The following ABCA3 variants were observed in gnomAD, a reference collection of about 807,000 sequenced individuals.
ABCA3 encodes ATP binding cassette subfamily A member 3.
A neutral mutation model predicts 172.8 loss-of-function variants in ABCA3; 88 were observed. The ratio of observed to expected loss-of-function variants is 0.51; its 90% CI spans 0.43 to 0.61. ABCA3 has a LOEUF of 0.61. Among genes scored for constraint, ABCA3 ranks in the 20% least tolerant of loss-of-function variants. The pLI, the probability that ABCA3 is intolerant of heterozygous loss-of-function variation, is 0.00. For synonymous variants in ABCA3, 1,066 were observed against 983.8 expected, an observed-to-expected ratio of 1.08 and a Z score of -1.56; for missense variants, 2,164 against 2,301.0, an observed-to-expected ratio of 0.94 and a Z score of 1.22.
At position 2,292,262 on chromosome 16, in the gene ABCA3, G is replaced by C. The variant is rs977809218; in HGVS notation, c.2415-24C>G. 2.5e-6 allele frequency: 4 copies of C among 1,584,114 alleles called. No individual in the cohort carries two copies. The South Asian group carries it at 3.3e-5, about 13-fold the overall frequency. Reference sequence around the variant, plus strand: ...ACCTGAAAAACAGACCCAGCATTATGAGTCACTTCTCAGTGACTTTCTAGA... The same window carrying C: ...ACCTGAAAAACAGACCCAGCATTATCAGTCACTTCTCAGTGACTTTCTAGA... On this transcript the variant is annotated intron_variant, in intron 18 of 32. Coordinates refer to ENST00000301732, the MANE Select transcript of ABCA3 (RefSeq NM_001089.3).
chr16:2,292,839 C>T lies in ABCA3; in HGVS notation c.2415-601G>A, dbSNP rs1165149075. 5.2e-4 allele frequency among the ~76,000 whole-genome samples: 79 copies of T among 151,936 alleles called. 1 individual carries two copies. The highest frequency in any genetic ancestry group is 7.4e-5 in the Non-Finnish European group (5 of 67,984). ...TCATGGCGGCTTGTGCCTGTAATCC[C>T]AGCTACTCGGGAGGCTGAGGCAGGA... On this transcript the variant is annotated intron_variant, in intron 18 of 32. Coordinates refer to ENST00000301732, the MANE Select transcript of ABCA3 (RefSeq NM_001089.3).
chr16:2,337,451 T>C (rs1279482944), intron 1 of ABCA3, among the ~76,000 whole-genome samples: 1 of 151,386 alleles, frequency 6.6e-6, no homozygotes, highest in Non-Finnish European at 1.5e-5. Flanking sequence ...CATGGCTCAC[T>C]GTAGCCTTGA....
Position 2,277,569 on chromosome 16 carries a change from C to T in ABCA3, c.4983+28G>A. On this transcript the variant is annotated intron_variant, in intron 32 of 32. Coordinates refer to ENST00000301732, the MANE Select transcript of ABCA3 (RefSeq NM_001089.3). The surrounding 1 kb of genome is among the most constrained non-coding windows in gnomAD (Gnocchi z 5.3). Reference sequence around the variant, plus strand: ...GGGACCTCCCCCTGCCCCATGAGTGCCCAGTGGGGCCCCAGGGACTGCCTC... The same window carrying T: ...GGGACCTCCCCCTGCCCCATGAGTGTCCAGTGGGGCCCCAGGGACTGCCTC... The T allele has an allele frequency of 6.2e-7, 1 of 1,611,818 alleles. No homozygotes were observed. The highest frequency in any genetic ancestry group is 2.2e-5 in the East Asian group (1 of 44,872).
In ABCA3 at chr16:2,278,242, C is replaced by A; in HGVS notation, c.4718+46G>T. 6.2e-7 allele frequency: 1 copy of A among 1,602,938 alleles called. No individual in the cohort carries two copies. The highest frequency in any genetic ancestry group is 8.5e-7 in the Non-Finnish European group (1 of 1,179,882). Reference sequence around the variant, plus strand: ...CCTGGCCACCTGGCTCCTCCATGGCCCACCCGGTGCTGAAACTTCCAGTAA... The same window carrying A: ...CCTGGCCACCTGGCTCCTCCATGGCACACCCGGTGCTGAAACTTCCAGTAA... On this transcript the variant is annotated intron_variant, in intron 30 of 32. Coordinates refer to ENST00000301732, the MANE Select transcript of ABCA3 (RefSeq NM_001089.3). This position sits in a 1 kb window ranked among gnomAD's most constrained non-coding sequence, Gnocchi z 4.4.
chr16:2,285,521 C>T lies in ABCA3; in HGVS notation c.3404G>A (p.Gly1135Glu). 1.9e-6 allele frequency: 3 copies of T among 1,607,512 alleles called. No individual in the cohort carries two copies. The highest frequency in any genetic ancestry group is 1.1e-5 in the South Asian group (1 of 89,756). ...VQAKHVQFVS[G>E]VHVASFWLSA... ...GAGCCAGAAACTGGCCACGTGGACT[C>T]CACTCACAAACTGCACATGCTTGGC... Residue 1135 changes from glycine to glutamate, a missense_variant, in exon 23 of 33, where the codon GGA becomes GAA. Physicochemically the swap from Gly to Glu is moderately conservative, Grantham distance 98. Transcript: ENST00000301732. The surrounding 1 kb of genome is among the most constrained non-coding windows in gnomAD (Gnocchi z 4.7).
In ABCA3 at chr16:2,286,567, T is replaced by C. The variant is rs1379835363; in HGVS notation, c.3278+127A>G. 1 of 1,299,004 alleles carries C rather than the reference T, an allele frequency of 7.7e-7. No homozygotes were observed. Among genetic ancestry groups the C allele is most frequent in the Non-Finnish European group, 1.1e-6 (1 of 945,590 alleles). The allele number at this position is 1,299,004 out of a possible 1,614,324, so 80.5% of individuals were successfully genotyped here. ...TGGTGGAGGAGGATGTGGCAGGGGTTTCCCACCAGACCCAGGGGCTTTGGG... is the reference window on the plus strand; with the variant it reads ...TGGTGGAGGAGGATGTGGCAGGGGTCTCCCACCAGACCCAGGGGCTTTGGG... On this transcript the variant is annotated intron_variant, in intron 22 of 32. Coordinates refer to ENST00000301732, the MANE Select transcript of ABCA3 (RefSeq NM_001089.3). The surrounding 1 kb of genome is among the most constrained non-coding windows in gnomAD (Gnocchi z 5.2).
Position 2,285,080 on chromosome 16 carries a change from G to A in ABCA3, c.3484-82C>T, listed in dbSNP as rs763246011. ...TAGGGAAGGGGTGAGAGGAGCATTTGGAGGTCCTCAGACCCCTCCCGGTCA... is the reference window on the plus strand; with the variant it reads ...TAGGGAAGGGGTGAGAGGAGCATTTAGAGGTCCTCAGACCCCTCCCGGTCA... On this transcript the variant is annotated intron_variant, in intron 23 of 32. Transcript: ENST00000301732. This position sits in a 1 kb window ranked among gnomAD's most constrained non-coding sequence, Gnocchi z 4.7. The A allele has an allele frequency of 3.8e-5, 55 of 1,458,492 alleles. No individual in the cohort carries two copies. The highest frequency in any genetic ancestry group is 5.1e-5 in the Non-Finnish European group (54 of 1,068,354). 90.3% of individuals were successfully genotyped at this position (1,458,492 alleles called of 1,614,324 possible).
In ABCA3 at chr16:2,326,443, C is replaced by T. The variant is rs747304976; in HGVS notation, c.24G>A (p.Ala8=). MAVLRQL[A]LLLWKNYTLQ... ...GGGTGTAGTTCTTCCAGAGGAGGAG[C>T]GCCAGCTGCCTGAGCACAGCCATCG... Residue 8 remains alanine, a synonymous_variant, in exon 4 of 33, where the codon GCG becomes GCA. Transcript: ENST00000301732. The T allele has an allele frequency of 1.2e-5, 20 of 1,612,316 alleles. No homozygotes were observed. Among genetic ancestry groups the T allele is most frequent in the East Asian group, 2.2e-5 (1 of 44,844 alleles).
At position 2,326,580 on chromosome 16, in the gene ABCA3, C is replaced by T. The variant is rs1227596686; in HGVS notation, c.-26-88G>A. ...GGGGAAAAGCCATGGACCCTTTTTCCTCCATGTCTCTCACCTTCTTTTGTG... is the reference window on the plus strand; with the variant it reads ...GGGGAAAAGCCATGGACCCTTTTTCTTCCATGTCTCTCACCTTCTTTTGTG... On this transcript the variant is annotated intron_variant, in intron 3 of 32. Transcript: ENST00000301732. The T allele has an allele frequency of 1.1e-5, 15 of 1,348,796 alleles. No homozygotes were observed. The East Asian group carries it at 1.2e-4, about 11-fold the overall frequency. The allele number at this position is 1,348,796 out of a possible 1,614,324, so 83.6% of individuals were successfully genotyped here.
chr16:2,317,211 C>T, intron 10 of ABCA3, 72 bp downstream of exon 10: 3 of 1,603,710 alleles, frequency 1.9e-6, no homozygotes, highest in Non-Finnish European at 2.6e-6. Flanking sequence ...CGATCACAGC[C>T]TCTGGGTTAT....
Position 2,283,465 on chromosome 16 carries a change from A to C in ABCA3, c.3863-107T>G. 1 of 1,321,904 alleles carries C rather than the reference A, an allele frequency of 7.6e-7. No individual in the cohort carries two copies. Among genetic ancestry groups the C allele is most frequent in the Non-Finnish European group, 1.0e-6 (1 of 959,570 alleles). The allele number at this position is 1,321,904 out of a possible 1,614,324, so 81.9% of individuals were successfully genotyped here. On this transcript the variant is annotated intron_variant, in intron 25 of 32. Coordinates refer to ENST00000301732, the MANE Select transcript of ABCA3 (RefSeq NM_001089.3). The surrounding 1 kb of genome is among the most constrained non-coding windows in gnomAD (Gnocchi z 5.4). Reference sequence around the variant, plus strand: ...CCAGGCTGCTCAAGGCGCCTGTAACAATGTCCCCTCCATGGGGAGATGTGA... The same window carrying C: ...CCAGGCTGCTCAAGGCGCCTGTAACCATGTCCCCTCCATGGGGAGATGTGA...
At chr16:2,339,602 C>T (rs2141755946) in intron 1 of ABCA3, among the ~76,000 whole-genome samples, 1 of 152,350 alleles carries the variant, frequency 6.6e-6, no homozygotes, top group East Asian at 1.9e-4. Context: ...GTGAACCTCT[C>T]CCACGTGCTC....
intron 11 of ABCA3, among the ~76,000 whole-genome samples, chr16:2,306,266 A>C (rs1212435745): frequency 1.3e-5 from 2 of 152,158 alleles, no homozygotes; most frequent in African/African-American, 2.4e-5. Context: ...TCGAGGCTAC[A>C]GTGAGCTATT....
intron 12 of ABCA3, among the ~76,000 whole-genome samples, chr16:2,303,435 T>A (rs1472736475): frequency 6.6e-6 from 1 of 151,834 alleles, no homozygotes; most frequent in Non-Finnish European, 1.5e-5. Flanking sequence ...CTAGTTTTTT[T>A]TTTATTTTTT....
chr16:2,306,258 G>A (rs551489304), intron 11 of ABCA3, among the ~76,000 whole-genome samples: 3 of 152,126 alleles, frequency 2.0e-5, no homozygotes, highest in South Asian at 2.1e-4. Context: ...CTGGGAGGTC[G>A]AGGCTACAGT....
intron 1 of ABCA3, among the ~76,000 whole-genome samples, chr16:2,335,355 A>T (rs4787281): frequency 0.08 from 12,124 of 151,992 alleles, 1,599 homozygotes; most frequent in African/African-American, 0.27. Context: ...AGTCACACAC[A>T]GTTATCCCGG....
rs45591332 is a variant in ABCA3, at chr16:2,297,038, T to G, written c.2263+291A>C. Among the ~76,000 whole-genome samples, 777 of 152,332 alleles carry G rather than the reference T, an allele frequency of 5.1e-3. 6 individuals carry two copies. Among genetic ancestry groups the G allele is most frequent in the African/African-American group, 0.018 (744 of 41,570 alleles). On this transcript the variant is annotated intron_variant, in intron 17 of 32. Transcript: ENST00000301732. This position sits in a 1 kb window ranked among gnomAD's most constrained non-coding sequence, Gnocchi z 5.6. ...GGGAGCTGCCATGTTGGTGCGTGTG[T>G]TGGCCTCTCCAAGGGCAGTGCTGCT...
intron 12 of ABCA3, among the ~76,000 whole-genome samples, chr16:2,303,566 G>A (rs1000803509): frequency 6.6e-6 from 1 of 152,072 alleles, no homozygotes; most frequent in African/African-American, 2.4e-5. Flanking sequence ...CACCACGCCT[G>A]GCCGAATGTG....
At position 2,279,930 on chromosome 16, in the gene ABCA3, T is replaced by C. The variant is rs2093652524; in HGVS notation, c.4360-800A>G. ...CCCTGCTAATTTTTGTATTTTTCTT[T>C]GGTAGAGACAGCATTTTGCCATGTT... On this transcript the variant is annotated intron_variant, in intron 28 of 32. Coordinates refer to ENST00000301732, the MANE Select transcript of ABCA3 (RefSeq NM_001089.3). The surrounding 1 kb of genome is among the most constrained non-coding windows in gnomAD (Gnocchi z 4.4). Among the ~76,000 whole-genome samples, 1 of 152,216 alleles carries C rather than the reference T, an allele frequency of 6.6e-6. No homozygotes were observed. The highest frequency in any genetic ancestry group is 6.5e-5 in the Admixed American group (1 of 15,282).
Sources: allele counts gnomAD v4.1 joint callset (sites outside exome capture counted in the v4.1 genomes callset), GRCh38; gene constraint gnomAD v4.1.1; non-coding constraint Gnocchi (gnomAD v3.1); transcripts MANE v1.5; gene names NCBI Gene and HGNC (gene_info 2026-07-23, HGNC 2026-07-21).